RAET1E: variants seen among roughly 807,000 people sequenced by gnomAD.
RAET1E encodes the protein retinoic acid early transcript 1E, also known as NKG2D ligand 4.
Under a neutral mutation model 21.1 loss-of-function variants are expected in RAET1E, and 27 were observed. The ratio of observed to expected loss-of-function variants is 1.28; its 90% CI spans 0.94 to 1.76. The LOEUF (loss-of-function observed/expected upper bound fraction) is 1.76. Among genes scored for constraint, RAET1E ranks in the 40% most tolerant of loss-of-function variants. The probability of loss-of-function intolerance (pLI) is 0.00; values close to 1 mark genes in which losing one functional copy is unlikely to be tolerated. For synonymous variants in RAET1E, 113 were observed against 115.0 expected (o/e 0.98, Z 0.11); for missense variants, 310 against 311.3 (o/e 1.00, Z 0.03).
chr6:149,887,915 T>C lies in RAET1E; in HGVS notation c.*583A>G, dbSNP rs1777677486. 6.6e-6 allele frequency among the ~76,000 whole-genome samples: 1 copy of C among 152,194 alleles called. No homozygotes were observed. The highest frequency in any genetic ancestry group is 2.4e-5 in the African/African-American group (1 of 41,526). On this transcript the variant is annotated 3_prime_UTR_variant, in exon 6 of 6. Transcript: ENST00000357183. The stretch of plus-strand genomic sequence containing the variant: ...GGCAATGTGTCTGGCATATAATAGT[T>C]CTCTCAGCCAGGTGTGTTGGCTCCC...
chr6:149,888,375 G>T lies in RAET1E; in HGVS notation c.*123C>A. 8.4e-7 allele frequency: 1 copy of T among 1,184,726 alleles called. No individual in the cohort carries two copies. Among genetic ancestry groups the T allele is most frequent in the Non-Finnish European group, 1.2e-6 (1 of 825,016 alleles). 73.4% of individuals were successfully genotyped at this position (1,184,726 alleles called of 1,614,324 possible). ...CCTCTCACTGCACATTGTGCTGCCA[G>T]CCCTGCTGTGTAGTGTGGGGGCTCA... On this transcript the variant is annotated 3_prime_UTR_variant, in exon 6 of 6. Transcript: ENST00000357183.
chr6:149,888,668 C>G lies in RAET1E; in HGVS notation c.623-1G>C. Reference sequence around the variant, plus strand: ...ATATCTGAAGCATTTACTGGTGACACTAAAAAAAAAAAAAAAAAGAAAAAA... The same window carrying G: ...ATATCTGAAGCATTTACTGGTGACAGTAAAAAAAAAAAAAAAAAGAAAAAA... On this transcript the variant is annotated splice_acceptor_variant, in intron 5 of 5. Transcript: ENST00000357183. LOFTEE classifies it high-confidence loss of function. 8.2e-7 allele frequency: 1 copy of G among 1,213,310 alleles called. No individual in the cohort carries two copies. The highest frequency in any genetic ancestry group is 1.0e-6 in the Non-Finnish European group (1 of 960,692). The allele number at this position is 1,213,310 out of a possible 1,614,324, so 75.2% of individuals were successfully genotyped here.
chr6:149,889,671 A>G (rs376238589), intron 4 of RAET1E, 48 bp from the exon 5 acceptor site: 1 of 1,597,594 alleles, frequency 6.3e-7, no homozygotes, highest in South Asian at 1.1e-5. Flanking sequence ...TGAGAAGTCC[A>G]TCATCCTCCA....
Position 149,890,160 on chromosome 6 carries a change from T to G in RAET1E, c.86-15A>C. On this transcript the variant is annotated splice_polypyrimidine_tract_variant and intron_variant, in intron 3 of 5. Transcript: ENST00000357183. ...AGAGTGACCACCTGTGAGACAAAGATGCAGGTGAGGTCCAGGACAGGGGAA... is the reference window on the plus strand; with the variant it reads ...AGAGTGACCACCTGTGAGACAAAGAGGCAGGTGAGGTCCAGGACAGGGGAA... 1 of 1,613,642 alleles carries G rather than the reference T, an allele frequency of 6.2e-7. No individual in the cohort carries two copies.
intron 3 of RAET1E, 98 bp from the exon 4 acceptor site, chr6:149,890,243 A>G (rs1317038787): frequency 4.4e-6 from 6 of 1,373,220 alleles, no homozygotes; most frequent in South Asian, 1.3e-5. Flanking sequence ...GGGCCAGGCT[A>G]GCAGAGGCGG....
At position 149,890,882 on chromosome 6, in the gene RAET1E, G is replaced by C. The variant is rs148438751; in HGVS notation, c.20C>G (p.Thr7Ser). ...CAAAAGAAGGCGCACAGGGCTAGAAGTCAGGGATATTCTTCGCATACTGTG... is the reference window on the plus strand; with the variant it reads ...CAAAAGAAGGCGCACAGGGCTAGAACTCAGGGATATTCTTCGCATACTGTG... MRRISL[T>S]SSPVRLLLFL... The change falls in exon 3 of 6, where the codon ACT becomes AGT. Residue 7 changes from threonine to serine, a missense_variant. By Grantham distance (58) the Thr-to-Ser change is moderately conservative. Transcript: ENST00000357183. 3.7e-6 allele frequency: 6 copies of C among 1,612,702 alleles called. No individual in the cohort carries two copies. Among genetic ancestry groups the C allele is most frequent in the Non-Finnish European group, 8.5e-7 (1 of 1,178,940 alleles).
chr6:149,894,089 C>T (rs988854440), intron 2 of RAET1E, among the ~76,000 whole-genome samples: 1 of 152,138 alleles, frequency 6.6e-6, no homozygotes, highest in Non-Finnish European at 1.5e-5. Flanking sequence ...TGATGTAATG[C>T]TGGGTTCGGT....
At chr6:149,892,962 G>A (rs113026383) in intron 2 of RAET1E, among the ~76,000 whole-genome samples, 33,741 of 152,022 alleles carry the variant, frequency 0.22, 4,376 homozygotes, top group Admixed American at 0.33. Flanking sequence ...TTAAACAGGG[G>A]ATCTTTTCCC....
Position 149,888,607 on chromosome 6 carries a change from A to C in RAET1E, c.683T>G (p.Ile228Ser), listed in dbSNP as rs1347325740. ...WSSSSLPDRW[I>S]ILGAFILLVL... ...TAACAGGATGAATGCCCCCAGGATGATCCATCTATCTGGTAGACTAGAAGA... is the reference window on the plus strand; with the variant it reads ...TAACAGGATGAATGCCCCCAGGATGCTCCATCTATCTGGTAGACTAGAAGA... The change falls in exon 6 of 6, where the codon ATC becomes AGC. Residue 228 changes from isoleucine to serine, a missense_variant. Transcript: ENST00000357183. The C allele has an allele frequency of 1.1e-5, 18 of 1,611,438 alleles. No individual in the cohort carries two copies. The highest frequency in any genetic ancestry group is 1.5e-5 in the Non-Finnish European group (18 of 1,179,598).
At position 149,885,320 on chromosome 6, in the gene RAET1E, G is replaced by A. The variant is rs1445362057; in HGVS notation, c.*3178C>T. On this transcript the variant is annotated 3_prime_UTR_variant, in exon 6 of 6. Coordinates refer to ENST00000357183, the MANE Select transcript of RAET1E (RefSeq NM_001394057.1). ...CCTCAGGGCCCACTTGCAAAGCAGA[G>A]ACAGTCCCCGAGACTCATTCAGCCT... Among the ~76,000 whole-genome samples the A allele has an allele frequency of 2.6e-5, 4 of 152,206 alleles. No homozygotes were observed. The highest frequency in any genetic ancestry group is 1.5e-5 in the Non-Finnish European group (1 of 68,038).
intron 2 of RAET1E, among the ~76,000 whole-genome samples, chr6:149,891,710 G>C (rs1777906072): frequency 6.6e-6 from 1 of 151,956 alleles, no homozygotes; most frequent in Admixed American, 6.6e-5. Context: ...AACATAGTAA[G>C]ACTCCATCTC....
In RAET1E at chr6:149,884,310, T is replaced by TG; in HGVS notation, c.*4187_*4188insC. 2.1e-6 allele frequency: 1 copy of TG among 466,120 alleles called. No homozygotes were observed. The highest frequency in any genetic ancestry group is 3.9e-6 in the Non-Finnish European group (1 of 256,562). 28.9% of individuals were successfully genotyped at this position (466,120 alleles called of 1,614,324 possible). A position where few individuals can be genotyped will look rare whatever the true frequency, so the allele number is the denominator to read the frequency against. ...TTAAAAAATATGTACTGAAAAAAAA[T>TG]TTTTTTTTTTTGAGACGGAGTCTTG... On this transcript the variant is annotated 3_prime_UTR_variant, in exon 6 of 6. Coordinates refer to ENST00000357183, the MANE Select transcript of RAET1E (RefSeq NM_001394057.1).
Position 149,884,389 on chromosome 6 carries a change from C to G in RAET1E, c.*4109G>C. The G allele has an allele frequency of 9.0e-7, 1 of 1,111,166 alleles. No homozygotes were observed. Among genetic ancestry groups the G allele is most frequent in the Admixed American group, 2.0e-5 (1 of 50,178 alleles). 68.8% of individuals were successfully genotyped at this position (1,111,166 alleles called of 1,614,324 possible). ...CGCGATCTCCGCTCATTGCAGGCTCCGCCTCCACTTGACTCAGGGAACACA... is the reference window on the plus strand; with the variant it reads ...CGCGATCTCCGCTCATTGCAGGCTCGGCCTCCACTTGACTCAGGGAACACA... On this transcript the variant is annotated 3_prime_UTR_variant, in exon 6 of 6. Coordinates refer to ENST00000357183, the MANE Select transcript of RAET1E (RefSeq NM_001394057.1).
chr6:149,890,571 G>C (rs1383458056), intron 3 of RAET1E, among the ~76,000 whole-genome samples: 1 of 152,176 alleles, frequency 6.6e-6, no homozygotes, highest in Non-Finnish European at 1.5e-5. Flanking sequence ...GTTCAGGAAA[G>C]TGACCTGGAG....
rs1299649091 is a variant in RAET1E, at chr6:149,887,114, C to T, written c.*1384G>A. On this transcript the variant is annotated 3_prime_UTR_variant, in exon 6 of 6. Transcript: ENST00000357183. ...CCTGCCCAGACAGGAAGCCCTTCAG[C>T]AGCCGACTCGGTTACCAGGATGAGG... Among the ~76,000 whole-genome samples the T allele has an allele frequency of 1.3e-5, 2 of 152,206 alleles. No individual in the cohort carries two copies. Among genetic ancestry groups the T allele is most frequent in the East Asian group, 3.9e-4 (2 of 5,194 alleles).
In RAET1E at chr6:149,884,243, G is replaced by A. The variant is rs1777511826; in HGVS notation, c.*4255C>T. 1 of 482,026 alleles carries A rather than the reference G, an allele frequency of 2.1e-6. No individual in the cohort carries two copies. The highest frequency in any genetic ancestry group is 2.9e-5 in the South Asian group (1 of 34,896). The allele number at this position is 482,026 out of a possible 1,614,324, so 29.9% of individuals were successfully genotyped here. On this transcript the variant is annotated 3_prime_UTR_variant, in exon 6 of 6. Transcript: ENST00000357183. ...TCCTCCTGCCTAGGCCTCCCAAAGT[G>A]TTGGGATTATAGATGTGAGCTGCTG...
rs1777724553 is a variant in RAET1E, at chr6:149,888,676, A to G, written c.623-9T>C. 1.7e-5 allele frequency: 26 copies of G among 1,558,874 alleles called. No individual in the cohort carries two copies. Among genetic ancestry groups the G allele is most frequent in the Non-Finnish European group, 2.2e-5 (26 of 1,164,854 alleles). ...AGCATTTACTGGTGACACTAAAAAA[A>G]AAAAAAAAAAGAAAAAAAAGCACAA... On this transcript the variant is annotated splice_polypyrimidine_tract_variant and intron_variant, in intron 5 of 5. Transcript: ENST00000357183.
At chr6:149,888,749 C>T in intron 5 of RAET1E, 82 bp from the exon 6 acceptor site, 1 of 1,488,742 alleles carries the variant, frequency 6.7e-7, no homozygotes. Flanking sequence ...TTTCCTTAGC[C>T]CCTGCTTTCC....
At chr6:149,891,594 C>T (rs1451308399) in intron 2 of RAET1E, among the ~76,000 whole-genome samples, 2 of 151,986 alleles carry the variant, frequency 1.3e-5, no homozygotes, top group Non-Finnish European at 2.9e-5. Context: ...ATTAACGAAA[C>T]TGAAATGGCC....
Sources: allele counts gnomAD v4.1 joint callset (sites outside exome capture counted in the v4.1 genomes callset), GRCh38; gene constraint gnomAD v4.1.1; transcripts MANE v1.5; gene names NCBI Gene and HGNC (gene_info 2026-07-23, HGNC 2026-07-21).